The following DNM1L variants were observed in gnomAD, a reference collection of about 807,000 sequenced individuals.
The protein encoded by DNM1L is dynamin 1L.
Under a neutral mutation model 92.8 loss-of-function variants are expected in DNM1L, and 33 were observed. The ratio of observed to expected loss-of-function variants is 0.36; its 90% CI spans 0.27 to 0.48. The LOEUF (loss-of-function observed/expected upper bound fraction) is 0.48, where lower values mean the gene tolerates loss of function less well. Among genes scored for constraint, DNM1L ranks in the 20% least tolerant of loss-of-function variants. The probability of loss-of-function intolerance (pLI) is 0.99; values close to 1 mark genes in which losing one functional copy is unlikely to be tolerated. For synonymous variants in DNM1L, 284 were observed against 305.0 expected (o/e 0.93, Z 0.72); for missense variants, 485 against 888.8 (o/e 0.55, Z 5.78).
intron 13 of DNM1L, among the ~76,000 whole-genome samples, chr12:32,736,598 A>G (rs1954898158): frequency 6.6e-6 from 1 of 152,236 alleles, no homozygotes; most frequent in South Asian, 2.1e-4. Context: ...TTTATAGGAT[A>G]ACCTCAACCA....
At chr12:32,723,005 A>G (rs1467292275) in intron 9 of DNM1L, among the ~76,000 whole-genome samples, 1 of 152,080 alleles carries the variant, frequency 6.6e-6, no homozygotes, top group East Asian at 1.9e-4. Context: ...GCAGATAAGT[A>G]AAAATAAAAC....
chr12:32,689,308 C>T (rs10844294), intron 1 of DNM1L, among the ~76,000 whole-genome samples: 23,358 of 152,042 alleles, frequency 0.15, 1,884 homozygotes, highest in Middle Eastern at 0.21. Context: ...AGTGATTCTA[C>T]TGTCTCAGCT....
chr12:32,712,636 T>C (rs904553778), intron 5 of DNM1L, among the ~76,000 whole-genome samples: 3 of 108,092 alleles, frequency 2.8e-5, no homozygotes, highest in Non-Finnish European at 5.0e-5. Context: ...TGTGATAGAG[T>C]GAGACCCTGT....
At chr12:32,717,347 ATTATATATAG>A (rs1953469192) in intron 6 of DNM1L, among the ~76,000 whole-genome samples, 1 of 65,908 alleles carries the variant, frequency 1.5e-5, no homozygotes. Flanking sequence ...TATACTATAT[ATTATATATAG>A]TATATATAAT....
intron 6 of DNM1L, among the ~76,000 whole-genome samples, chr12:32,717,398 TAATATATAATATATATTTTA>T: frequency 1.5e-5 from 1 of 67,576 alleles, no homozygotes; most frequent in African/African-American, 6.9e-5. Flanking sequence ...ATAGTATATA[TAATATATAATATATATTTTA>T]AATATATACT....
In DNM1L at chr12:32,731,222, T is replaced by C; in HGVS notation, c.1200+88T>C. On this transcript the variant is annotated intron_variant, in intron 10 of 19. Coordinates refer to ENST00000549701, the MANE Select transcript of DNM1L (RefSeq NM_012062.5). The surrounding 1 kb of genome is among the most constrained non-coding windows in gnomAD (Gnocchi z 5.1). ...TACTGTGTCTTTTTAAATTTAATTATACAGTTTATTTTGCTCTCATATTTG... is the reference window on the plus strand; with the variant it reads ...TACTGTGTCTTTTTAAATTTAATTACACAGTTTATTTTGCTCTCATATTTG... 2 of 1,593,848 alleles carry C rather than the reference T, an allele frequency of 1.3e-6. No individual in the cohort carries two copies. The highest frequency in any genetic ancestry group is 1.7e-6 in the Non-Finnish European group (2 of 1,167,442).
At chr12:32,697,983 A>AT (rs201116273) in intron 1 of DNM1L, among the ~76,000 whole-genome samples, 24,718 of 147,392 alleles carry the variant, frequency 0.17, 2,184 homozygotes, top group African/African-American at 0.25. Flanking sequence ...AGAGAATTTG[A>AT]TTTTTTTTTT....
intron 7 of DNM1L, 73 bp downstream of exon 7, chr12:32,718,836 A>T: frequency 6.3e-7 from 1 of 1,584,672 alleles, no homozygotes; most frequent in Middle Eastern, 1.7e-4. Flanking sequence ...ACTTCAGAGC[A>T]AGTCTGAATT....
intron 19 of DNM1L, 138 bp downstream of exon 19, chr12:32,742,886 ATCTTTT>A: frequency 1.6e-6 from 1 of 606,288 alleles, no homozygotes; most frequent in Non-Finnish European, 2.5e-6. Context: ...CTTGATAAGA[ATCTTTT>A]TTTTTTTTTT....
intron 16 of DNM1L, among the ~76,000 whole-genome samples, chr12:32,739,000 CTGAA>C: frequency 6.6e-6 from 1 of 152,298 alleles, no homozygotes; most frequent in South Asian, 2.1e-4. Context: ...TGACGTCACA[CTGAA>C]TGTGCTCTCT....
chr12:32,700,616 G>A (rs1002395592), intron 1 of DNM1L, among the ~76,000 whole-genome samples: 6 of 151,884 alleles, frequency 4.0e-5, no homozygotes, highest in African/African-American at 1.2e-4. Context: ...ATAGTAGCGC[G>A]TGCCTGTAGT....
chr12:32,711,164 T>C (rs1953110339), intron 5 of DNM1L, 149 bp downstream of exon 5: 3 of 700,706 alleles, frequency 4.3e-6, no homozygotes, highest in East Asian at 2.9e-5. Flanking sequence ...AAACACTTTC[T>C]TTACTTGGCT....
chr12:32,733,311 T>TA (rs1291672808), intron 12 of DNM1L: 1 of 223,692 alleles, frequency 4.5e-6, no homozygotes, highest in Non-Finnish European at 8.8e-6. Context: ...TATGCCTTGT[T>TA]ACGAACTTAT....
At position 32,706,196 on chromosome 12, in the gene DNM1L, T is replaced by G. The variant is rs944041555; in HGVS notation, c.251-1171T>G. ...CTGTTCACCTAGATTACTCCAGTCC[T>G]CCAATGAGACTTCTTGGAAGAAGGT... On this transcript the variant is annotated intron_variant, in intron 2 of 19. Transcript: ENST00000549701. 4 of 209,888 alleles carry G rather than the reference T, an allele frequency of 1.9e-5. No individual in the cohort carries two copies. In the South Asian group the frequency reaches 5.5e-4, roughly 29 times the overall value. The allele number at this position is 209,888 out of a possible 1,614,324, so 13.0% of individuals were successfully genotyped here.
rs753070922 is a variant in DNM1L, at chr12:32,679,360, A to G, written c.-4A>G. The G allele has an allele frequency of 8.7e-6, 14 of 1,611,200 alleles. No individual in the cohort carries two copies. In the Admixed American group the frequency reaches 1.0e-4, roughly 12 times the overall value. ...GGGCACTGGGGCCCCGTGTTTTCAG[A>G]GTCATGGAGGCGCTAATTCCTGTCA... On this transcript the variant is annotated 5_prime_UTR_variant, in exon 1 of 20. Coordinates refer to ENST00000549701, the MANE Select transcript of DNM1L (RefSeq NM_012062.5).
chr12:32,718,744 A>C lies in DNM1L; in HGVS notation c.721A>C (p.Ile241Leu), dbSNP rs748626399. Residue 241 changes from isoleucine (I) to leucine (L), a missense_variant, in exon 7 of 20, where the codon ATA becomes CTA. By Grantham distance (5) the Ile-to-Leu change is conservative. This residue lies in a region of DNM1L where 159 missense variants were observed against 275.9 expected (regional missense o/e 0.58). Coordinates refer to ENST00000549701, the MANE Select transcript of DNM1L (RefSeq NM_012062.5). ...MGRVIPVKLGIIGVVNRSQLD... is the reference protein window; with the variant it reads ...MGRVIPVKLGLIGVVNRSQLD... ...AAGGGTTATTCCAGTCAAACTTGGA[A>C]TAATTGGAGTAGTTAACAGGTTAGC... 8 of 1,613,864 alleles carry C rather than the reference A, an allele frequency of 5.0e-6. No individual in the cohort carries two copies. Among genetic ancestry groups the C allele is most frequent in the Non-Finnish European group, 5.9e-6 (7 of 1,179,834 alleles).
rs1167626100 is a variant in DNM1L at position 32,717,457 on chromosome 12, ATT to A, written c.620-1183_620-1182del. ...TATATTTTAAATATATACTATATATATTTTAAATATATAGTATATATATTATA... is the reference window on the plus strand; with the variant it reads ...TATATTTTAAATATATACTATATATATTAAATATATAGTATATATATTATA... On this transcript the variant is annotated intron_variant, in intron 6 of 19. Transcript: ENST00000549701. 7.5e-4 allele frequency among the ~76,000 whole-genome samples: 77 copies of A among 102,216 alleles called. 2 individuals carry two copies. The highest frequency in any genetic ancestry group is 5.0e-4 in the Non-Finnish European group (28 of 55,730). 67.1% of individuals were successfully genotyped at this position (102,216 alleles called of 152,430 possible). A position where few individuals can be genotyped will look rare whatever the true frequency, so the allele number is the denominator to read the frequency against.
At chr12:32,720,623 A>C (rs767438221) in intron 7 of DNM1L, 41 bp from the exon 8 acceptor site, 1 of 1,613,056 alleles carries the variant, frequency 6.2e-7, no homozygotes, top group South Asian at 1.1e-5. Flanking sequence ...GGAAGAGGAC[A>C]ACAGTTAAGC....
At chr12:32,702,489 T>G (rs889242844) in intron 2 of DNM1L, among the ~76,000 whole-genome samples, 1 of 152,182 alleles carries the variant, frequency 6.6e-6, no homozygotes, top group Non-Finnish European at 1.5e-5. Flanking sequence ...GTAACATAGC[T>G]CTAATTATTA....
Sources: gnomAD v4.1 joint callset for allele counts (sites outside exome capture counted in the v4.1 genomes callset) on GRCh38, gnomAD v4.1.1 for gene constraint, gnomAD v4.1.1 regional missense constraint, Gnocchi (gnomAD v3.1) non-coding constraint, MANE v1.5 for transcripts, NCBI Gene and HGNC (gene_info 2026-07-23, HGNC 2026-07-21) for gene names.